FGF12: variants seen among roughly 807,000 people sequenced by gnomAD.
The protein encoded by FGF12 is fibroblast growth factor 12.
In FGF12, 14 loss-of-function variants were observed where a neutral mutation model predicts 23.6. The ratio of observed to expected loss-of-function variants is 0.59; its 90% CI spans 0.39 to 0.93. The LOEUF is 0.93. FGF12 is among the 40% of genes least tolerant of loss of function. FGF12 has a pLI of 0.00. For synonymous variants in FGF12, 62 were observed against 77.3 expected (o/e 0.80, Z 1.04); for missense variants, 175 against 217.8 (o/e 0.80, Z 1.24).
chr3:192,640,423 T>C (rs1715748481), intron 2 of FGF12, among the ~76,000 whole-genome samples: 1 of 152,164 alleles, frequency 6.6e-6, no homozygotes, highest in South Asian at 2.1e-4. Context: ...GAGAATGTTT[T>C]TCACAGGCTA....
rs539707652 is a variant in FGF12, at chr3:192,612,194, C to T, written c.13+114987G>A. ...CTCTATTTTTAAAGGTTTATAGTGA[C>T]TGGATGAAGTATCCTCTGCTTTCCT... is the stretch of plus-strand genomic sequence containing the variant. On this transcript the variant is annotated intron_variant, in intron 2 of 5. Transcript: ENST00000445105. 3.3e-5 allele frequency among the ~76,000 whole-genome samples: 5 copies of T among 152,144 alleles called. No individual in the cohort carries two copies. In the East Asian group the frequency reaches 9.7e-4, roughly 29 times the overall value.
chr3:192,378,554 C>T (rs193242631), intron 2 of FGF12, among the ~76,000 whole-genome samples: 5 of 152,194 alleles, frequency 3.3e-5, no homozygotes, highest in Middle Eastern at 3.4e-3. Flanking sequence ...CCAAAAGTAA[C>T]GGAACAGGGA....
chr3:192,178,586 C>T (rs1246704940), intron 4 of FGF12, among the ~76,000 whole-genome samples: 1 of 152,120 alleles, frequency 6.6e-6, no homozygotes, highest in South Asian at 2.1e-4. Flanking sequence ...GCAACCTCCA[C>T]CTCCCTGGTT....
chr3:192,692,343 G>A (rs1329772814), intron 2 of FGF12, among the ~76,000 whole-genome samples: 1 of 152,162 alleles, frequency 6.6e-6, no homozygotes, highest in East Asian at 1.9e-4. Flanking sequence ...TCCCTGGGGA[G>A]CAAGGTTGGT....
intron 2 of FGF12, among the ~76,000 whole-genome samples, chr3:192,386,275 T>C (rs1720037613): frequency 6.6e-6 from 1 of 152,230 alleles, no homozygotes; most frequent in Non-Finnish European, 1.5e-5. Flanking sequence ...CATACATTTA[T>C]ATCTATGTTG....
Position 192,635,111 on chromosome 3 carries a change from C to T in FGF12, c.13+92070G>A, listed in dbSNP as rs145544053. Among the ~76,000 whole-genome samples the T allele has an allele frequency of 2.3e-4, 35 of 152,288 alleles. No individual in the cohort carries two copies. The East Asian group carries it at 6.6e-3, about 29-fold the overall frequency. ...CTGACCTCAAGTGATCCACCCACCT[C>T]GGCCTCCCAAAGTGCTGGGGTTACA... On this transcript the variant is annotated intron_variant, in intron 2 of 5. Coordinates refer to ENST00000445105, the MANE Select transcript of FGF12 (RefSeq NM_004113.6).
At chr3:192,276,507 A>G (rs1359640203) in intron 4 of FGF12, among the ~76,000 whole-genome samples, 1 of 152,166 alleles carries the variant, frequency 6.6e-6, no homozygotes, top group Non-Finnish European at 1.5e-5. Context: ...CCTTATGAGA[A>G]AATGATTCTC....
chr3:192,256,092 C>T (rs1397764413), intron 4 of FGF12, among the ~76,000 whole-genome samples: 1 of 152,008 alleles, frequency 6.6e-6, no homozygotes, highest in South Asian at 2.1e-4. Context: ...AAGAGTGAAC[C>T]CAGCTGGTTG....
At chr3:192,665,809 C>T (rs1259442291) in intron 2 of FGF12, among the ~76,000 whole-genome samples, 1 of 152,098 alleles carries the variant, frequency 6.6e-6, no homozygotes, top group Non-Finnish European at 1.5e-5. Context: ...TATGCCTTAT[C>T]TAAGGTCTCA....
chr3:192,563,939 G>T (rs1436931445), intron 2 of FGF12, among the ~76,000 whole-genome samples: 2 of 152,294 alleles, frequency 1.3e-5, no homozygotes, highest in East Asian at 3.9e-4. Context: ...TATTATCAAT[G>T]GATGATTACC....
chr3:192,406,027 G>A (rs1720944157), intron 2 of FGF12, among the ~76,000 whole-genome samples: 1 of 152,140 alleles, frequency 6.6e-6, no homozygotes, highest in Non-Finnish European at 1.5e-5. Context: ...GAAGTCACCA[G>A]TCAGGATCCT....
intron 4 of FGF12, among the ~76,000 whole-genome samples, chr3:192,243,447 TA>T (rs1471209251): frequency 6.6e-6 from 1 of 151,612 alleles, no homozygotes; most frequent in Non-Finnish European, 1.5e-5. Flanking sequence ...GTAAAGCATA[TA>T]TGTATATTCA....
chr3:192,690,732 A>G (rs2108719353), intron 2 of FGF12, among the ~76,000 whole-genome samples: 1 of 152,140 alleles, frequency 6.6e-6, no homozygotes, highest in East Asian at 1.9e-4. Context: ...TAAGTGGACT[A>G]CATTTGTCAA....
At chr3:192,449,283 T>C (rs575468977) in intron 2 of FGF12, among the ~76,000 whole-genome samples, 13 of 152,140 alleles carry the variant, frequency 8.5e-5, no homozygotes, top group Non-Finnish European at 1.2e-4. Flanking sequence ...ACTTCTATAT[T>C]GATTTTCTTG....
At chr3:192,700,525 C>A (rs1008746934) in intron 2 of FGF12, among the ~76,000 whole-genome samples, 1 of 152,158 alleles carries the variant, frequency 6.6e-6, no homozygotes, top group African/African-American at 2.4e-5. Flanking sequence ...CACCATATCT[C>A]CTTGTTTTAT....
chr3:192,715,034 T>C (rs1718823882), intron 2 of FGF12, among the ~76,000 whole-genome samples: 1 of 152,208 alleles, frequency 6.6e-6, no homozygotes, highest in African/African-American at 2.4e-5. Flanking sequence ...ACTGCATTTC[T>C]TCTGGCCCTG....
At chr3:192,566,680 T>C (rs1712307766) in intron 2 of FGF12, among the ~76,000 whole-genome samples, 1 of 152,202 alleles carries the variant, frequency 6.6e-6, no homozygotes, top group African/African-American at 2.4e-5. Context: ...ATATTTCAAA[T>C]GGTATTTCCA....
At chr3:192,544,977 TGGA>T (rs771588694) in intron 2 of FGF12, among the ~76,000 whole-genome samples, 3 of 152,090 alleles carry the variant, frequency 2.0e-5, no homozygotes, top group East Asian at 3.9e-4. Flanking sequence ...GAAGAGGAGA[TGGA>T]GGAGAAGTCA....
intron 2 of FGF12, among the ~76,000 whole-genome samples, chr3:192,596,112 T>TATAATATAATATAATATAAC (rs1553836828): frequency 2.1e-5 from 3 of 144,308 alleles, no homozygotes; most frequent in African/African-American, 2.6e-5. Flanking sequence ...TATAATATAA[T>TATAATATAATATAATATAAC]ATAATATAAT....
Sources: allele counts gnomAD v4.1 joint callset (sites outside exome capture counted in the v4.1 genomes callset), GRCh38; gene constraint gnomAD v4.1.1; transcripts MANE v1.5; gene names NCBI Gene and HGNC (gene_info 2026-07-23, HGNC 2026-07-21).